UBA6: variants seen among roughly 807,000 people sequenced by gnomAD.
UBA6 encodes ubiquitin-like modifier-activating enzyme 6.
In UBA6, 87 loss-of-function variants were observed where a neutral mutation model predicts 148.3. The observed-to-expected ratio is 0.59, with a 90% confidence interval of 0.49 to 0.70. The LOEUF is 0.70. Ranked by LOEUF, UBA6 falls within the 30% of genes least tolerant of loss-of-function variation. The probability of loss-of-function intolerance (pLI) is 0.00; values close to 1 mark genes in which losing one functional copy is unlikely to be tolerated. For synonymous variants in UBA6, 376 were observed against 401.0 expected (o/e 0.94, Z 0.75); for missense variants, 1,186 against 1,241.2 (o/e 0.96, Z 0.67).
intron 21 of UBA6, 33 bp from the exon 22 acceptor site, chr4:67,634,355 A>G: frequency 6.4e-7 from 1 of 1,562,456 alleles, no homozygotes; most frequent in Non-Finnish European, 8.6e-7. Context: ...AAAATTACAA[A>G]TAGAAGTCTG....
At chr4:67,680,055 AATG>A (rs1730394493) in intron 4 of UBA6, among the ~76,000 whole-genome samples, 1 of 152,210 alleles carries the variant, frequency 6.6e-6, no homozygotes, top group Admixed American at 6.5e-5. Context: ...AATACTACGA[AATG>A]ATGACAGGAA....
At chr4:67,661,433 T>C (rs866389211) in intron 13 of UBA6, among the ~76,000 whole-genome samples, 1 of 152,308 alleles carries the variant, frequency 6.6e-6, no homozygotes, top group African/African-American at 2.4e-5. Context: ...CTGCTTGTAC[T>C]CACACTGTCC....
At chr4:67,662,440 TATATC>T (rs1729884036) in intron 12 of UBA6, 185 bp from the exon 13 acceptor site, 1 of 501,598 alleles carries the variant, frequency 2.0e-6, no homozygotes, top group Middle Eastern at 5.2e-4. Context: ...AAATCACACT[TATATC>T]AGTATATAAA....
intron 9 of UBA6, among the ~76,000 whole-genome samples, chr4:67,667,285 T>C (rs1430805175): frequency 6.6e-6 from 1 of 152,180 alleles, no homozygotes. Flanking sequence ...TTAAACAGTT[T>C]TGTTATACAA....
intron 4 of UBA6, among the ~76,000 whole-genome samples, chr4:67,678,947 TATA>T (rs1730356319): frequency 6.6e-6 from 1 of 152,094 alleles, no homozygotes; most frequent in African/African-American, 2.4e-5. Flanking sequence ...CAAAAAGCTA[TATA>T]TACAAGAGTA....
At position 67,661,228 on chromosome 4, in the gene UBA6, G is replaced by A. The variant is rs77198433; in HGVS notation, c.1104+961C>T. The stretch of plus-strand genomic sequence containing the variant: ...GAAAGGTGTGACTGTGTTTTGAAAC[G>A]TGAGTACATGAGATTCAGGGGGTAC... On this transcript the variant is annotated intron_variant, in intron 13 of 32. Coordinates refer to ENST00000322244, the MANE Select transcript of UBA6 (RefSeq NM_018227.6). Among the ~76,000 whole-genome samples the A allele has an allele frequency of 4.6e-3, 698 of 152,248 alleles. 4 individuals are homozygous for A. Among genetic ancestry groups the A allele is most frequent in the South Asian group, 0.016 (75 of 4,828 alleles).
At chr4:67,638,492 T>G in intron 19 of UBA6, 1 of 160,402 alleles carries the variant, frequency 6.2e-6, no homozygotes, top group Non-Finnish European at 1.4e-5. Context: ...GAGTTTGCAG[T>G]GGGTCCTTTT....
rs550615252 is a variant in UBA6, at chr4:67,697,642, T to C, written c.72-935A>G. Among the ~76,000 whole-genome samples, 19 of 152,336 alleles carry C rather than the reference T, an allele frequency of 1.2e-4. No individual in the cohort carries two copies. In the South Asian group the frequency reaches 3.9e-3, roughly 32 times the overall value. On this transcript the variant is annotated intron_variant, in intron 1 of 32. Transcript: ENST00000322244. ...GGTTGGGCCTGAAATCTAGGGATCTTCTTGCTTAAATCATTCCCCAGTTTT... is the reference window on the plus strand; with the variant it reads ...GGTTGGGCCTGAAATCTAGGGATCTCCTTGCTTAAATCATTCCCCAGTTTT...
Position 67,677,623 on chromosome 4 carries a change from T to A in UBA6, c.453A>T (p.Leu151Phe). 6.4e-7 allele frequency: 1 copy of A among 1,564,614 alleles called. No individual in the cohort carries two copies. The highest frequency in any genetic ancestry group is 8.8e-7 in the Non-Finnish European group (1 of 1,142,034). ...ATGGAGTACTAACCTGGTATTTATC[T>A]AAAAAGGAGAGATCTGTGGTCTCAT... ...PFNETTDLSF[L>F]DKYQCVVLTE... is the part of the protein sequence containing the mutation. Residue 151 changes from leucine (L) to phenylalanine (F), a missense_variant, in exon 6 of 33, where the codon TTA (leucine) becomes TTT (phenylalanine). Leu to Phe is a conservative substitution (Grantham distance 22). Transcript: ENST00000322244.
At position 67,617,279 on chromosome 4, in the gene UBA6, C is replaced by G. The variant is rs550172423; in HGVS notation, c.*1718G>C. 4 of 152,198 alleles carry G rather than the reference C, an allele frequency of 2.6e-5. No homozygotes were observed. Among genetic ancestry groups the G allele is most frequent in the Non-Finnish European group, 5.9e-5 (4 of 67,952 alleles). 9.4% of individuals were successfully genotyped at this position (152,198 alleles called of 1,614,324 possible). A position where few individuals can be genotyped will look rare whatever the true frequency, so the allele number is the denominator to read the frequency against. ...AAAACAAAGTGAACGTGGAAAAAAGCCTTCTTTGCAAAAGTCCTTTTATTA... is the reference window on the plus strand; with the variant it reads ...AAAACAAAGTGAACGTGGAAAAAAGGCTTCTTTGCAAAAGTCCTTTTATTA... On this transcript the variant is annotated 3_prime_UTR_variant, in exon 33 of 33. Transcript: ENST00000322244.
At chr4:67,647,128 A>T (rs953850007) in intron 14 of UBA6, among the ~76,000 whole-genome samples, 1 of 152,178 alleles carries the variant, frequency 6.6e-6, no homozygotes, top group South Asian at 2.1e-4. Context: ...GCCCCCATTC[A>T]ATTTCAGCTA....
At chr4:67,639,231 C>G in intron 18 of UBA6, 107 bp from the exon 19 acceptor site, 1 of 883,236 alleles carries the variant, frequency 1.1e-6, no homozygotes, top group Non-Finnish European at 1.7e-6. Flanking sequence ...AGTCATAGTC[C>G]ATACATATAT....
At chr4:67,631,449 A>G (rs1483437614) in intron 25 of UBA6, among the ~76,000 whole-genome samples, 1 of 152,076 alleles carries the variant, frequency 6.6e-6, no homozygotes, top group African/African-American at 2.4e-5. Flanking sequence ...AAAGTAAAAA[A>G]GGTGATTTTG....
intron 10 of UBA6, 78 bp from the exon 11 acceptor site, chr4:67,664,025 G>A (rs987781612): frequency 7.5e-5 from 86 of 1,145,992 alleles, no homozygotes; most frequent in Non-Finnish European, 1.0e-4. Context: ...ATGTCAGTGC[G>A]CTAAAAACTA....
In UBA6 at chr4:67,623,132, C is replaced by A; in HGVS notation, c.2928+3G>T. The A allele has an allele frequency of 6.2e-7, 1 of 1,607,038 alleles. No homozygotes were observed. Among genetic ancestry groups the A allele is most frequent in the South Asian group, 1.1e-5 (1 of 90,308 alleles). On this transcript the variant is annotated splice_donor_region_variant and intron_variant, in intron 31 of 32. Coordinates refer to ENST00000322244, the MANE Select transcript of UBA6 (RefSeq NM_018227.6). Reference sequence around the variant, plus strand: ...ATGAACTAAATGAACAAAAGTATCTCACTTTGACTGCATTTATGAAATCCA... The same window carrying A: ...ATGAACTAAATGAACAAAAGTATCTAACTTTGACTGCATTTATGAAATCCA...
chr4:67,650,277 CAAGT>C (rs1360267665), intron 13 of UBA6, among the ~76,000 whole-genome samples: 4 of 152,054 alleles, frequency 2.6e-5, no homozygotes, highest in African/African-American at 7.2e-5. Flanking sequence ...TTCTATTATA[CAAGT>C]AAGAAAACTG....
At chr4:67,644,219 G>C (rs1384690978) in intron 17 of UBA6, among the ~76,000 whole-genome samples, 2 of 151,966 alleles carry the variant, frequency 1.3e-5, no homozygotes, top group Non-Finnish European at 2.9e-5. Flanking sequence ...CTCACATTTA[G>C]AGTCTTAAGA....
chr4:67,649,582 AACT>A (rs1369261670), intron 13 of UBA6, among the ~76,000 whole-genome samples: 1 of 152,194 alleles, frequency 6.6e-6, no homozygotes, highest in African/African-American at 2.4e-5. Context: ...TGTTAATGAA[AACT>A]ACTATGAAAA....
chr4:67,651,945 AAG>A (rs1729562580), intron 13 of UBA6, among the ~76,000 whole-genome samples: 1 of 152,010 alleles, frequency 6.6e-6, no homozygotes, highest in Non-Finnish European at 1.5e-5. Context: ...AAAACTACAA[AAG>A]AGTGCATAAA....
Sources: gnomAD v4.1 joint callset for allele counts (sites outside exome capture counted in the v4.1 genomes callset) on GRCh38, gnomAD v4.1.1 for gene constraint, MANE v1.5 for transcripts, NCBI Gene and HGNC (gene_info 2026-07-23, HGNC 2026-07-21) for gene names.